The following WAPL variants were observed in gnomAD, a reference collection of about 807,000 sequenced individuals.
The protein encoded by WAPL is wings apart-like protein homolog.
A neutral mutation model predicts 121.0 loss-of-function variants in WAPL; 5 were observed. The ratio of observed to expected loss-of-function variants is 0.04; its 90% CI spans 0.02 to 0.09. WAPL has a LOEUF of 0.09. WAPL is among the 10% of genes least tolerant of loss of function. The pLI is 1.00. For synonymous variants in WAPL, 480 were observed against 481.5 expected, an observed-to-expected ratio of 1.00 and a Z score of 0.04; for missense variants, 999 against 1,410.8, an observed-to-expected ratio of 0.71 and a Z score of 4.68.
intron 2 of WAPL, among the ~76,000 whole-genome samples, chr10:86,514,639 A>G (rs2132233587): frequency 6.6e-6 from 1 of 152,308 alleles, no homozygotes. Flanking sequence ...TTAGCTACAT[A>G]GACTGGGAAG....
chr10:86,467,303 C>A lies in WAPL; in HGVS notation c.2346G>T (p.Lys782Asn). The change falls in exon 9 of 19, where the codon AAG (lysine) becomes AAT (asparagine). Residue 782 changes from lysine (K) to asparagine (N), a missense_variant. Coordinates refer to ENST00000298767, the MANE Select transcript of WAPL (RefSeq NM_015045.5). ...CCGTTATATTTTCTAGATCAAGATG[C>A]TTGTTGTGTACAGTTTCACAGAGCC... ...IRRLCETVHN[K>N]HLDLENITTG... is the part of the protein sequence containing the mutation. 6.2e-7 allele frequency: 1 copy of A among 1,613,880 alleles called. No individual in the cohort carries two copies. The highest frequency in any genetic ancestry group is 8.5e-7 in the Non-Finnish European group (1 of 1,179,910).
At chr10:86,445,004 A>C (rs1309507110) in intron 16 of WAPL, among the ~76,000 whole-genome samples, 1 of 151,192 alleles carries the variant, frequency 6.6e-6, no homozygotes, top group Non-Finnish European at 1.5e-5. Flanking sequence ...GAGGAGTGGG[A>C]GTAACAGGAG....
In WAPL at chr10:86,465,875, T is replaced by C. The variant is rs538474575; in HGVS notation, c.2370+1404A>G. Among the ~76,000 whole-genome samples, 11 of 152,214 alleles carry C rather than the reference T, an allele frequency of 7.2e-5. No homozygotes were observed. In the South Asian group the frequency reaches 1.9e-3, roughly 26 times the overall value. On this transcript the variant is annotated intron_variant, in intron 9 of 18. Coordinates refer to ENST00000298767, the MANE Select transcript of WAPL (RefSeq NM_015045.5). Reference sequence around the variant, plus strand: ...AACAGTAGACAATAATAAATGTTTATAGAGTTTTGATGTTGGAAATGTCTG... The same window carrying C: ...AACAGTAGACAATAATAAATGTTTACAGAGTTTTGATGTTGGAAATGTCTG...
rs1841597555 is a variant in WAPL, at chr10:86,474,103, C to T, written c.1645-130G>A. The T allele has an allele frequency of 8.6e-6, 6 of 699,312 alleles. No individual in the cohort carries two copies. In the East Asian group the frequency reaches 1.6e-4, roughly 19 times the overall value. The allele number at this position is 699,312 out of a possible 1,614,324, so 43.3% of individuals were successfully genotyped here. A position where few individuals can be genotyped will look rare whatever the true frequency, so the allele number is the denominator to read the frequency against. On this transcript the variant is annotated intron_variant, in intron 4 of 18. Coordinates refer to ENST00000298767, the MANE Select transcript of WAPL (RefSeq NM_015045.5). The stretch of plus-strand genomic sequence containing the variant: ...AGGATGGATACTATCTGGGAACAGT[C>T]CCACCATAATTCCCATTCTCATGTC...
At chr10:86,508,080 T>C (rs1219155721) in intron 2 of WAPL, among the ~76,000 whole-genome samples, 1 of 152,186 alleles carries the variant, frequency 6.6e-6, no homozygotes, top group African/African-American at 2.4e-5. Flanking sequence ...CTAGGTAGAT[T>C]AGTGACCATG....
chr10:86,504,826 AC>A (rs1056997601), intron 2 of WAPL, among the ~76,000 whole-genome samples: 2 of 152,078 alleles, frequency 1.3e-5, no homozygotes, highest in African/African-American at 4.8e-5. Context: ...CATCTTGACA[AC>A]AAAAAACAAC....
chr10:86,464,632 G>A (rs924475365), intron 9 of WAPL, among the ~76,000 whole-genome samples: 2 of 152,144 alleles, frequency 1.3e-5, no homozygotes, highest in Non-Finnish European at 2.9e-5. Flanking sequence ...AGTTCAGTTC[G>A]AGACCAGTTT....
chr10:86,459,217 A>C (rs1841216448), intron 11 of WAPL, 152 bp from the exon 12 acceptor site: 1 of 590,204 alleles, frequency 1.7e-6, no homozygotes, highest in Admixed American at 3.4e-5. Context: ...TACAGGTTCC[A>C]GGTGTAAAAT....
At chr10:86,510,772 ATATC>A (rs1483863013) in intron 2 of WAPL, among the ~76,000 whole-genome samples, 1 of 152,238 alleles carries the variant, frequency 6.6e-6, no homozygotes, top group Non-Finnish European at 1.5e-5. Flanking sequence ...GTAGTAGAAA[ATATC>A]TATAAAAATC....
At chr10:86,451,789 C>G (rs1026659044) in intron 15 of WAPL, among the ~76,000 whole-genome samples, 178 bp downstream of exon 15, 2 of 152,272 alleles carry the variant, frequency 1.3e-5, no homozygotes, top group East Asian at 3.9e-4. Context: ...GTAAAACAGT[C>G]CCTTTCTACC....
At chr10:86,470,882 T>C in intron 8 of WAPL, 110 bp downstream of exon 8, 1 of 822,892 alleles carries the variant, frequency 1.2e-6, no homozygotes, top group Non-Finnish European at 1.8e-6. Context: ...ATGAACTCAA[T>C]CTATAATTAG....
intron 2 of WAPL, among the ~76,000 whole-genome samples, chr10:86,507,454 A>G (rs1842374004): frequency 6.6e-6 from 1 of 151,750 alleles, no homozygotes; most frequent in South Asian, 2.1e-4. Flanking sequence ...TTGTCATCCA[A>G]CAACCTCTTA....
At chr10:86,483,712 T>C (rs1841851561) in intron 4 of WAPL, among the ~76,000 whole-genome samples, 1 of 144,970 alleles carries the variant, frequency 6.9e-6, no homozygotes, top group Non-Finnish European at 1.5e-5. Flanking sequence ...TGGAAGACTG[T>C]GAGAATTATG....
At chr10:86,483,822 TCTCA>T (rs1235293249) in intron 4 of WAPL, among the ~76,000 whole-genome samples, 1 of 126,354 alleles carries the variant, frequency 7.9e-6, no homozygotes, top group Non-Finnish European at 1.6e-5. Context: ...TTTTTGGCAG[TCTCA>T]CTCTGTTGCC....
chr10:86,517,675 T>A lies in WAPL; in HGVS notation c.395A>T (p.Lys132Ile). ...VVVEDTVVSD[K>I]CFPLEDTLLG... ...TAAAGTGTCCTCCAAAGGGAAGCAT[T>A]TATCAGAAACGACAGTGTCTTCAAC... Residue 132 changes from lysine (K) to isoleucine (I), a missense_variant, in exon 2 of 19, where the codon AAA (lysine) becomes ATA (isoleucine). By Grantham distance (102) the Lys-to-Ile change is moderately radical. Around this residue, in one of 7 missense-constraint regions of WAPL, gnomAD observed 531 missense variants for 563.1 expected, o/e 0.94. Transcript: ENST00000298767. 1 of 1,614,164 alleles carries A rather than the reference T, an allele frequency of 6.2e-7. No homozygotes were observed. Among genetic ancestry groups the A allele is most frequent in the Non-Finnish European group, 8.5e-7 (1 of 1,180,028 alleles).
At chr10:86,499,684 T>C (rs761249530) in intron 3 of WAPL, 34 bp downstream of exon 3, 9 of 1,528,754 alleles carry the variant, frequency 5.9e-6, no homozygotes, top group Admixed American at 2.3e-5. Context: ...GGGGGAACTA[T>C]TGTACTTATT....
rs1849619480 is a variant in WAPL, at chr10:86,446,376, G to A, written c.3188C>T (p.Thr1063Ile). Residue 1063 changes from threonine (T) to isoleucine (I), a missense_variant, in exon 16 of 19, where the codon ACC (threonine) becomes ATC (isoleucine). Physicochemically the swap from Thr to Ile is moderately conservative, Grantham distance 89. Coordinates refer to ENST00000298767, the MANE Select transcript of WAPL (RefSeq NM_015045.5). ...KTDELIKDAP[T>I]TQHDKSGEWQ... ...CTCTCCACTCTTATCATGCTGAGTG[G>A]TGGGAGCATCTTTGATCAACTCATC... is the stretch of plus-strand genomic sequence containing the variant. 5 of 1,614,114 alleles carry A rather than the reference G, an allele frequency of 3.1e-6. No homozygotes were observed. The highest frequency in any genetic ancestry group is 2.2e-5 in the East Asian group (1 of 44,874).
intron 4 of WAPL, 54 bp from the exon 5 acceptor site, chr10:86,474,027 C>A: frequency 8.5e-6 from 12 of 1,409,780 alleles, no homozygotes; most frequent in Non-Finnish European, 1.2e-5. Context: ...AGACTCTCAA[C>A]TAAAAATCAT....
intron 4 of WAPL, among the ~76,000 whole-genome samples, chr10:86,476,634 A>C (rs1309982364): frequency 2.0e-5 from 3 of 151,266 alleles, no homozygotes; most frequent in African/African-American, 4.9e-5. Flanking sequence ...GGTTGCAGTG[A>C]GCCGAGATTG....
Sources: gnomAD v4.1 joint callset for allele counts (sites outside exome capture counted in the v4.1 genomes callset) on GRCh38, gnomAD v4.1.1 for gene constraint, gnomAD v4.1.1 regional missense constraint, MANE v1.5 for transcripts, NCBI Gene and HGNC (gene_info 2026-07-23, HGNC 2026-07-21) for gene names.